The following CNTN5 variants were observed in gnomAD, a reference collection of about 807,000 sequenced individuals.
CNTN5 encodes the protein contactin-5.
A neutral mutation model predicts 129.1 loss-of-function variants in CNTN5; 77 were observed. That is an observed-to-expected ratio of 0.60 (90% CI 0.50 to 0.72). The LOEUF (loss-of-function observed/expected upper bound fraction) is 0.72. CNTN5 is among the 30% of genes least tolerant of loss of function. The pLI is 0.00. For missense variants in CNTN5, 1,478 were observed against 1,328.8 expected (o/e 1.11, Z -1.75); for synonymous variants, 509 against 465.6 (o/e 1.09, Z -1.20).
chr11:100,348,377 G>A (rs924504303), intron 23 of CNTN5, among the ~76,000 whole-genome samples: 13 of 151,788 alleles, frequency 8.6e-5, no homozygotes, highest in Non-Finnish European at 1.6e-4. Flanking sequence ...CCATCTCCCT[G>A]GATATATTGG....
intron 2 of CNTN5, among the ~76,000 whole-genome samples, chr11:99,506,406 T>C (rs1277954015): frequency 6.6e-6 from 1 of 152,238 alleles, no homozygotes; most frequent in Non-Finnish European, 1.5e-5. Context: ...TATACAAATA[T>C]CTTTTCTATT....
chr11:99,677,686 G>C (rs576969992), intron 3 of CNTN5, among the ~76,000 whole-genome samples: 1 of 150,908 alleles, frequency 6.6e-6, no homozygotes, highest in Non-Finnish European at 1.5e-5. Flanking sequence ...GGTTTTCCTC[G>C]TTGTTCAAAA....
intron 2 of CNTN5, among the ~76,000 whole-genome samples, chr11:99,514,147 T>C (rs1443657354): frequency 6.6e-6 from 1 of 152,094 alleles, no homozygotes; most frequent in Non-Finnish European, 1.5e-5. Context: ...ACTGCAGATG[T>C]GATGGAAATA....
At chr11:99,518,042 G>C (rs1947126802) in intron 2 of CNTN5, among the ~76,000 whole-genome samples, 1 of 152,054 alleles carries the variant, frequency 6.6e-6, no homozygotes, top group African/African-American at 2.4e-5. Context: ...AATCAATTCA[G>C]GGTATCCAAA....
At chr11:99,489,359 C>T (rs1945944912) in intron 2 of CNTN5, among the ~76,000 whole-genome samples, 1 of 152,156 alleles carries the variant, frequency 6.6e-6, no homozygotes, top group African/African-American at 2.4e-5. Context: ...AGCATGTAAA[C>T]ATGACAAAGT....
chr11:100,302,199 G>A (rs558821485), intron 20 of CNTN5, among the ~76,000 whole-genome samples: 2 of 151,574 alleles, frequency 1.3e-5, no homozygotes, highest in South Asian at 4.2e-4. Flanking sequence ...TACTTAAAAA[G>A]GAGTGAGCAT....
chr11:99,828,987 A>G (rs184329936), intron 4 of CNTN5, among the ~76,000 whole-genome samples: 1 of 152,294 alleles, frequency 6.6e-6, no homozygotes, highest in Admixed American at 6.5e-5. Context: ...TATTTATCAT[A>G]GTAGTTAGAT....
Position 99,529,041 on chromosome 11 carries a change from C to T in CNTN5, c.-70-27104C>T, listed in dbSNP as rs144116492. Among the ~76,000 whole-genome samples, 1,383 of 152,296 alleles carry T rather than the reference C, an allele frequency of 9.1e-3. 10 individuals carry two copies. The highest frequency in any genetic ancestry group is 0.024 in the Middle Eastern group (7 of 294). On this transcript the variant is annotated intron_variant, in intron 2 of 24. Transcript: ENST00000524871. ...AGTGAGCCAAGATTGTGCCATTGCA[C>T]TCCAGCCTGGGCAACAAGAGTGAAA... is the stretch of plus-strand genomic sequence containing the variant.
intron 15 of CNTN5, among the ~76,000 whole-genome samples, chr11:100,218,254 C>A (rs966552852): frequency 3.3e-5 from 5 of 152,094 alleles, no homozygotes; most frequent in African/African-American, 7.2e-5. Flanking sequence ...TAACACAAGC[C>A]TTAAGAAGAT....
intron 17 of CNTN5, among the ~76,000 whole-genome samples, chr11:100,258,994 G>T (rs1227662704): frequency 6.6e-6 from 1 of 152,070 alleles, no homozygotes; most frequent in East Asian, 1.9e-4. Context: ...AAAAGACACA[G>T]ACTGGCAAAT....
chr11:100,024,407 A>G (rs1301217117), intron 9 of CNTN5, among the ~76,000 whole-genome samples: 1 of 152,174 alleles, frequency 6.6e-6, no homozygotes, highest in Non-Finnish European at 1.5e-5. Flanking sequence ...GCTGTATGAG[A>G]ACTAATACAA....
At chr11:100,201,970 C>T (rs1189776392) in intron 15 of CNTN5, among the ~76,000 whole-genome samples, 1 of 151,968 alleles carries the variant, frequency 6.6e-6, no homozygotes, top group Non-Finnish European at 1.5e-5. Flanking sequence ...CCCCTGGCCT[C>T]AGCTCCAGAA....
intron 9 of CNTN5, among the ~76,000 whole-genome samples, chr11:100,049,656 G>A (rs559459737): frequency 6.6e-6 from 1 of 152,192 alleles, no homozygotes; most frequent in South Asian, 2.1e-4. Context: ...CTTCTGCACA[G>A]CAAAAGAAAC....
intron 3 of CNTN5, among the ~76,000 whole-genome samples, chr11:99,633,852 A>C (rs1044279401): frequency 1.3e-5 from 2 of 152,198 alleles, no homozygotes; most frequent in Admixed American, 1.3e-4. Flanking sequence ...AGCATCTAAA[A>C]TGCACATAGG....
chr11:99,584,593 C>T (rs7925670), intron 3 of CNTN5, among the ~76,000 whole-genome samples: 11,810 of 152,180 alleles, frequency 0.078, 715 homozygotes, highest in African/African-American at 0.17. Flanking sequence ...TCAATAATAT[C>T]TCCCATGAAA....
At chr11:99,704,236 T>C (rs1438574196) in intron 3 of CNTN5, among the ~76,000 whole-genome samples, 3 of 151,012 alleles carry the variant, frequency 2.0e-5, no homozygotes, top group Non-Finnish European at 4.5e-5. Context: ...ATCCACCAGG[T>C]ATTCACATAG....
At chr11:99,785,582 G>A (rs115105082) in intron 3 of CNTN5, among the ~76,000 whole-genome samples, 382 of 152,158 alleles carry the variant, frequency 2.5e-3, no homozygotes, top group African/African-American at 8.7e-3. Flanking sequence ...GAACATCGAC[G>A]CAAATATCCT....
At chr11:99,598,424 T>TCCTCCCTC (rs1161183246) in intron 3 of CNTN5, among the ~76,000 whole-genome samples, 2 of 108,164 alleles carry the variant, frequency 1.8e-5, no homozygotes, top group African/African-American at 4.1e-5. Context: ...CTCCCTTCCT[T>TCCTCCCTC]CCTCCCTCCC....
intron 2 of CNTN5, among the ~76,000 whole-genome samples, chr11:99,491,094 G>A (rs973879537): frequency 1.3e-5 from 2 of 152,082 alleles, no homozygotes; most frequent in African/African-American, 4.8e-5. Flanking sequence ...TGTAATCTGG[G>A]GTCTCCATAG....
Sources: allele counts gnomAD v4.1 joint callset (sites outside exome capture counted in the v4.1 genomes callset), GRCh38; gene constraint gnomAD v4.1.1; transcripts MANE v1.5; gene names NCBI Gene and HGNC (gene_info 2026-07-23, HGNC 2026-07-21).